Variants in GRM1 observed in about 807,000 individuals in gnomAD.
GRM1 encodes the protein metabotropic glutamate receptor 1.
Under a neutral mutation model 90.9 loss-of-function variants are expected in GRM1, and 33 were observed. The ratio of observed to expected loss-of-function variants is 0.36; its 90% CI spans 0.28 to 0.49. GRM1 has a LOEUF of 0.49. GRM1 is among the 20% of genes least tolerant of loss of function. The pLI is 0.99. For synonymous variants in GRM1, 700 were observed against 613.2 expected (o/e 1.14, Z -2.09); for missense variants, 1,190 against 1,534.3 (o/e 0.78, Z 3.75).
At chr6:146,330,056 T>C (rs1409527240) in intron 3 of GRM1, among the ~76,000 whole-genome samples, 2 of 152,096 alleles carry the variant, frequency 1.3e-5, no homozygotes, top group East Asian at 1.9e-4. Flanking sequence ...CAGAGGAAAA[T>C]AAATGTGTAA....
intron 3 of GRM1, among the ~76,000 whole-genome samples, chr6:146,319,964 C>T (rs1784113812): frequency 6.6e-6 from 1 of 152,136 alleles, no homozygotes; most frequent in Admixed American, 6.5e-5. Flanking sequence ...ATTTCTTTCT[C>T]TTGCCTTATT....
At chr6:146,099,811 A>T (rs1421106628) in intron 1 of GRM1, among the ~76,000 whole-genome samples, 1 of 152,102 alleles carries the variant, frequency 6.6e-6, no homozygotes, top group African/African-American at 2.4e-5. Context: ...TTCTAAGGCA[A>T]TTTGGACTGT....
intron 2 of GRM1, among the ~76,000 whole-genome samples, chr6:146,273,073 G>A (rs1330916036): frequency 1.3e-5 from 2 of 152,190 alleles, no homozygotes; most frequent in African/African-American, 4.8e-5. Context: ...GAAGAATGTT[G>A]TGTGACTTGT....
intron 5 of GRM1, among the ~76,000 whole-genome samples, chr6:146,378,798 G>A (rs1341459712): frequency 6.6e-6 from 1 of 152,152 alleles, no homozygotes; most frequent in African/African-American, 2.4e-5. Flanking sequence ...GAAGACATGA[G>A]ATTTGGGAGG....
At chr6:146,094,316 C>A (rs1417358164) in intron 1 of GRM1, among the ~76,000 whole-genome samples, 1 of 151,946 alleles carries the variant, frequency 6.6e-6, no homozygotes, top group South Asian at 2.1e-4. Flanking sequence ...GGAGCCTGTC[C>A]CTCTAGGTTA....
chr6:146,269,215 T>C (rs1463634368), intron 2 of GRM1, among the ~76,000 whole-genome samples: 1 of 152,210 alleles, frequency 6.6e-6, no homozygotes, highest in African/African-American at 2.4e-5. Flanking sequence ...AATTGACCTA[T>C]AAAATAAGTA....
At chr6:146,136,889 G>A (rs1157013187) in intron 1 of GRM1, among the ~76,000 whole-genome samples, 6 of 113,012 alleles carry the variant, frequency 5.3e-5, no homozygotes, top group African/African-American at 1.7e-4. Context: ...GCCTTGCTCT[G>A]TCACCCAGGC....
intron 1 of GRM1, among the ~76,000 whole-genome samples, chr6:146,074,176 G>A (rs1776107294): frequency 6.6e-6 from 1 of 152,074 alleles, no homozygotes; most frequent in Admixed American, 6.6e-5. Flanking sequence ...ATGGATGAGA[G>A]ATATCAAGAC....
intron 2 of GRM1, among the ~76,000 whole-genome samples, chr6:146,197,263 T>C (rs1267116131): frequency 6.6e-6 from 1 of 152,164 alleles, no homozygotes. Flanking sequence ...ATTGGTCTTA[T>C]TGAAAAAAGG....
chr6:146,168,587 TA>T (rs1317239573), intron 2 of GRM1, among the ~76,000 whole-genome samples: 4 of 152,096 alleles, frequency 2.6e-5, no homozygotes, highest in African/African-American at 4.8e-5. Context: ...TCATTTGGAT[TA>T]TTTTTTTTCT....
At chr6:146,238,987 A>C (rs575640138) in intron 2 of GRM1, among the ~76,000 whole-genome samples, 1 of 152,278 alleles carries the variant, frequency 6.6e-6, no homozygotes, top group African/African-American at 2.4e-5. Flanking sequence ...ACATTTGACT[A>C]TGAGATTCTT....
At chr6:146,331,777 C>G (rs963062947) in intron 3 of GRM1, among the ~76,000 whole-genome samples, 4 of 152,064 alleles carry the variant, frequency 2.6e-5, no homozygotes, top group African/African-American at 4.8e-5. Flanking sequence ...AAAAAAAATT[C>G]TAATCCCAAA....
At chr6:146,404,699 G>T (rs1777275836) in intron 7 of GRM1, among the ~76,000 whole-genome samples, 1 of 152,188 alleles carries the variant, frequency 6.6e-6, no homozygotes, top group Non-Finnish European at 1.5e-5. Context: ...GAGAGATGTA[G>T]TGTTGGGCAA....
At chr6:146,089,068 G>A (rs1011294407) in intron 1 of GRM1, among the ~76,000 whole-genome samples, 5 of 152,014 alleles carry the variant, frequency 3.3e-5, no homozygotes, top group Non-Finnish European at 7.4e-5. Flanking sequence ...ATATGGCAAA[G>A]GTAAAGGGAG....
chr6:146,272,988 A>G (rs545345448), intron 2 of GRM1, among the ~76,000 whole-genome samples: 4 of 152,174 alleles, frequency 2.6e-5, no homozygotes, highest in Non-Finnish European at 5.9e-5. Flanking sequence ...GAAAACACAA[A>G]ATGATTTGGG....
intron 7 of GRM1, among the ~76,000 whole-genome samples, chr6:146,422,832 T>C (rs183425179): frequency 3.0e-4 from 45 of 151,854 alleles, no homozygotes; most frequent in African/African-American, 1.0e-3. Context: ...ATTTGGACAA[T>C]GGAAATATAT....
chr6:146,422,896 G>A (rs1778050121), intron 7 of GRM1, among the ~76,000 whole-genome samples: 1 of 149,908 alleles, frequency 6.7e-6, no homozygotes, highest in Non-Finnish European at 1.5e-5. Context: ...CTTTACAAAA[G>A]GAAGAAAGGA....
chr6:146,346,258 G>A (rs952336301), intron 3 of GRM1, among the ~76,000 whole-genome samples: 4 of 152,206 alleles, frequency 2.6e-5, no homozygotes, highest in Non-Finnish European at 5.9e-5. Flanking sequence ...TTTAACAATA[G>A]ATTGGAATGA....
chr6:146,390,948 C>T (rs528450519), intron 6 of GRM1, among the ~76,000 whole-genome samples: 69 of 152,122 alleles, frequency 4.5e-4, no homozygotes, highest in Non-Finnish European at 7.5e-4. Flanking sequence ...GAATTACAAA[C>T]AGAATTTCAC....
Sources: allele counts gnomAD v4.1 joint callset (sites outside exome capture counted in the v4.1 genomes callset), GRCh38; gene constraint gnomAD v4.1.1; transcripts MANE v1.5; gene names NCBI Gene and HGNC (gene_info 2026-07-23, HGNC 2026-07-21).